Variants in HIP1R observed in about 807,000 individuals in gnomAD.
HIP1R encodes the protein huntingtin-interacting protein 1-related protein.
Under a neutral mutation model 144.2 loss-of-function variants are expected in HIP1R, and 135 were observed. The ratio of observed to expected loss-of-function variants is 0.94; its 90% CI spans 0.81 to 1.08. The LOEUF (loss-of-function observed/expected upper bound fraction) is 1.08. Among genes scored for constraint, HIP1R ranks in the 50% least tolerant of loss-of-function variants. The pLI is 0.00. For missense variants in HIP1R, 1,462 were observed against 1,432.8 expected, an observed-to-expected ratio of 1.02 and a Z score of -0.33; for synonymous variants, 698 against 612.8, an observed-to-expected ratio of 1.14 and a Z score of -2.05.
chr12:122,851,169 G>C, intron 6 of HIP1R, 67 bp from the exon 7 acceptor site: 1 of 1,379,254 alleles, frequency 7.3e-7, no homozygotes, highest in Non-Finnish European at 9.7e-7. Flanking sequence ...ACTGGAGGGG[G>C]CGTCTCAGGA....
chr12:122,854,989 G>A (rs2033520336), intron 9 of HIP1R, 27 bp downstream of exon 9: 1 of 1,613,394 alleles, frequency 6.2e-7, no homozygotes, highest in African/African-American at 1.3e-5. Flanking sequence ...GGACAGGATT[G>A]AGGCCGGTGG....
chr12:122,835,854 A>G (rs1251050980), intron 1 of HIP1R, among the ~76,000 whole-genome samples: 1 of 149,420 alleles, frequency 6.7e-6, no homozygotes, highest in African/African-American at 2.4e-5. Flanking sequence ...ACCGGCGCGC[A>G]GGTGAACCGG....
Position 122,861,386 on chromosome 12 carries a change from C to G in HIP1R, c.3031C>G (p.Leu1011Val). Reference protein sequence around the residue: ...LGELRKQHYVLAGASGSPGEE... With the variant: ...LGELRKQHYVVAGASGSPGEE... ...GGAGTTGCGGAAGCAACACTACGTG[C>G]TGGCTGGGGCATCAGGCAGCCCTGG... Residue 1011 changes from leucine (L) to valine (V), a missense_variant, in exon 31 of 32, where the codon CTG becomes GTG. This residue lies in a region of HIP1R where 1,112 missense variants were observed against 1,011.7 expected (regional missense o/e 1.10). Transcript: ENST00000253083. The G allele has an allele frequency of 6.2e-7, 1 of 1,613,546 alleles. No homozygotes were observed.
intron 1 of HIP1R, among the ~76,000 whole-genome samples, chr12:122,841,898 C>T (rs560477607): frequency 1.6e-4 from 24 of 152,294 alleles, no homozygotes; most frequent in African/African-American, 4.8e-4. Context: ...ATGCTCCCCT[C>T]GGGAGCTTTC....
In HIP1R at chr12:122,856,040, G is replaced by A. The variant is rs1593883006; in HGVS notation, c.1189G>A (p.Glu397Lys). 2 of 1,595,886 alleles carry A rather than the reference G, an allele frequency of 1.3e-6. No homozygotes were observed. The highest frequency in any genetic ancestry group is 2.3e-5 in the East Asian group (1 of 44,044). ...QVNALEGELE[E>K]QRKQKQKALV... The stretch of plus-strand genomic sequence containing the variant: ...GAATGCACTGGAGGGTGAGCTGGAG[G>A]AGCAGCGGAAGCAGAAGCAGAAGGC... The change falls in exon 14 of 32, where the codon GAG becomes AAG. Residue 397 changes from glutamate to lysine, a missense_variant. Physicochemically the swap from Glu to Lys is moderately conservative, Grantham distance 56. Around this residue, in one of 2 missense-constraint regions of HIP1R, gnomAD observed 1,112 missense variants for 1,011.7 expected, o/e 1.10. Coordinates refer to ENST00000253083, the MANE Select transcript of HIP1R (RefSeq NM_003959.3).
chr12:122,860,234 C>T, intron 26 of HIP1R, 24 bp downstream of exon 26: 1 of 1,544,144 alleles, frequency 6.5e-7, no homozygotes, highest in South Asian at 1.2e-5. Context: ...GGCAGCAGGG[C>T]ACAGTCCACA....
chr12:122,861,616 A>G lies in HIP1R; in HGVS notation c.3160-90A>G. Reference sequence around the variant, plus strand: ...TCCCTGGGGAAGTCAGGGACCACTGACAACATGCAGGGAGGAGCTTGCTCA... The same window carrying G: ...TCCCTGGGGAAGTCAGGGACCACTGGCAACATGCAGGGAGGAGCTTGCTCA... On this transcript the variant is annotated intron_variant, in intron 31 of 31. Transcript: ENST00000253083. 2.5e-6 allele frequency: 4 copies of G among 1,581,946 alleles called. No homozygotes were observed. The Admixed American group carries it at 5.2e-5, about 21-fold the overall frequency.
intron 17 of HIP1R, 98 bp from the exon 18 acceptor site, chr12:122,856,923 G>A (rs1001003390): frequency 3.8e-6 from 4 of 1,053,792 alleles, no homozygotes; most frequent in South Asian, 1.4e-5. Flanking sequence ...TAATGGAAGT[G>A]ATCACTAACC....
In HIP1R at chr12:122,840,442, C is replaced by G. The variant is rs1364792933; in HGVS notation, c.93+4799C>G. ...AGCAAGCTCCAGGTTCAGCCCCTGG[C>G]TCTGTCCCTTCACCACTCTGCCTCA... On this transcript the variant is annotated intron_variant, in intron 1 of 31. Coordinates refer to ENST00000253083, the MANE Select transcript of HIP1R (RefSeq NM_003959.3). The surrounding 1 kb of genome is among the most constrained non-coding windows in gnomAD (Gnocchi z 4.2). 6.6e-6 allele frequency among the ~76,000 whole-genome samples: 1 copy of G among 152,244 alleles called. No individual in the cohort carries two copies. The highest frequency in any genetic ancestry group is 1.5e-5 in the Non-Finnish European group (1 of 68,044).
chr12:122,855,069 C>G lies in HIP1R; in HGVS notation c.793C>G (p.Arg265Gly), dbSNP rs771885860. ...EQFHSLRNFF[R>G]RASDMLYFKR... Reference sequence around the variant, plus strand: ...TCTCTGCAGCCTCAGGAACTTCTTCCGCAGAGCCTCCGACATGCTGTACTT... The same window carrying G: ...TCTCTGCAGCCTCAGGAACTTCTTCGGCAGAGCCTCCGACATGCTGTACTT... The change falls in exon 10 of 32, where the codon CGC (arginine) becomes GGC (glycine). Residue 265 changes from arginine (R) to glycine (G), a missense_variant. Physicochemically the swap from Arg to Gly is moderately radical, Grantham distance 125. Around this residue, in one of 2 missense-constraint regions of HIP1R, gnomAD observed 350 missense variants for 421.1 expected, o/e 0.83. Coordinates refer to ENST00000253083, the MANE Select transcript of HIP1R (RefSeq NM_003959.3). 6.2e-7 allele frequency: 1 copy of G among 1,613,894 alleles called. No individual in the cohort carries two copies. Among genetic ancestry groups the G allele is most frequent in the Admixed American group, 1.7e-5 (1 of 60,032 alleles).
intron 4 of HIP1R, 84 bp downstream of exon 4, chr12:122,848,936 G>A: frequency 7.1e-7 from 1 of 1,412,094 alleles, no homozygotes; most frequent in Non-Finnish European, 1.0e-6. Flanking sequence ...CTCCCTGTGG[G>A]CAGTTCCCTG....
chr12:122,860,567 C>T, intron 27 of HIP1R, 44 bp downstream of exon 27: 3 of 1,583,050 alleles, frequency 1.9e-6, no homozygotes, highest in East Asian at 4.5e-5. Flanking sequence ...TGCTTCCTGC[C>T]AGTTGGAGCA....
intron 7 of HIP1R, among the ~76,000 whole-genome samples, chr12:122,852,594 A>G (rs1301297301): frequency 2.0e-5 from 3 of 152,240 alleles, no homozygotes; most frequent in Non-Finnish European, 4.4e-5. Flanking sequence ...TCTGCTGGAG[A>G]AATTCCCAGA....
At position 122,860,095 on chromosome 12, in the gene HIP1R, G is replaced by A. The variant is rs183806428; in HGVS notation, c.2496+18G>A. ...TGATGAAGGTGAGGGGCTGTGACCC[G>A]GGGGGGTCTGCACCTGGAGGGCCAC... is the stretch of plus-strand genomic sequence containing the variant. On this transcript the variant is annotated intron_variant, in intron 25 of 31. Coordinates refer to ENST00000253083, the MANE Select transcript of HIP1R (RefSeq NM_003959.3). The A allele has an allele frequency of 7.9e-5, 125 of 1,572,840 alleles. No individual in the cohort carries two copies. Among genetic ancestry groups the A allele is most frequent in the Admixed American group, 3.1e-4 (17 of 55,260 alleles).
In HIP1R at chr12:122,859,408, G is replaced by A. The variant is rs1419299311; in HGVS notation, c.2296-18G>A. 5 of 1,601,998 alleles carry A rather than the reference G, an allele frequency of 3.1e-6. No homozygotes were observed. Among genetic ancestry groups the A allele is most frequent in the African/African-American group, 1.3e-5 (1 of 74,594 alleles). On this transcript the variant is annotated intron_variant, in intron 22 of 31. Transcript: ENST00000253083. The stretch of plus-strand genomic sequence containing the variant: ...GGGGGGACGGAGGCTACCCCTGTCT[G>A]ACTCCCATCCTCACCAGGAACTGAA...
At chr12:122,847,773 C>A (rs2033251503) in intron 1 of HIP1R, among the ~76,000 whole-genome samples, 1 of 152,180 alleles carries the variant, frequency 6.6e-6, no homozygotes, top group African/African-American at 2.4e-5. Context: ...AGGATGGCCT[C>A]CCGGAGCCAT....
At chr12:122,839,602 A>G (rs2033000359) in intron 1 of HIP1R, among the ~76,000 whole-genome samples, 3 of 152,240 alleles carry the variant, frequency 2.0e-5, no homozygotes, top group Non-Finnish European at 4.4e-5. Context: ...CCCGGCACAC[A>G]GTAGAGCAGT....
intron 7 of HIP1R, among the ~76,000 whole-genome samples, chr12:122,852,768 C>T (rs990170877): frequency 2.6e-5 from 4 of 151,944 alleles, no homozygotes; most frequent in African/African-American, 7.3e-5. Flanking sequence ...CTGGGATGGC[C>T]GGGAAGATCT....
At chr12:122,838,116 T>C (rs530693375) in intron 1 of HIP1R, among the ~76,000 whole-genome samples, 2 of 152,266 alleles carry the variant, frequency 1.3e-5, no homozygotes, top group South Asian at 4.1e-4. Flanking sequence ...AGGAAGATAA[T>C]TGCTTTCCTG....
Sources: allele counts gnomAD v4.1 joint callset (sites outside exome capture counted in the v4.1 genomes callset), GRCh38; gene constraint gnomAD v4.1.1; regional missense constraint gnomAD v4.1.1; non-coding constraint Gnocchi (gnomAD v3.1); transcripts MANE v1.5; gene names NCBI Gene and HGNC (gene_info 2026-07-23, HGNC 2026-07-21).